CIC: variants seen among roughly 807,000 people sequenced by gnomAD.
CIC encodes the protein capicua transcriptional repressor, also known as protein capicua homolog.
Under a neutral mutation model 115.7 loss-of-function variants are expected in CIC, and 18 were observed. The observed-to-expected ratio is 0.16, with a 90% CI of 0.11 to 0.23. CIC has a LOEUF of 0.23. Ranked by LOEUF, CIC falls within the 10% of genes least tolerant of loss-of-function variation. CIC has a pLI of 1.00. For synonymous variants in CIC, 1,076 were observed against 923.0 expected (o/e 1.17, Z -3.01); for missense variants, 2,000 against 2,159.3 (o/e 0.93, Z 1.46).
chr19:42,271,806 G>A lies in CIC; in HGVS notation c.23G>A (p.Cys8Tyr). Reference protein sequence around the residue: MKPMKKACTGLSGPGSGS... With the variant: MKPMKKAYTGLSGPGSGS... ...AAAATGAAGCCAATGAAGAAGGCAT[G>A]CACTGGCCTTTCAGGTCCTGGCAGT... Residue 8 changes from cysteine (C) to tyrosine (Y), a missense_variant, in exon 2 of 21, where the codon TGC becomes TAC. Coordinates refer to ENST00000681038, the MANE Select transcript of CIC (RefSeq NM_001386298.1). 2.5e-6 allele frequency: 1 copy of A among 398,812 alleles called. No individual in the cohort carries two copies. Among genetic ancestry groups the A allele is most frequent in the Non-Finnish European group, 4.4e-6 (1 of 226,182 alleles). 24.7% of individuals were successfully genotyped at this position (398,812 alleles called of 1,614,324 possible).
chr19:42,292,100 C>A lies in CIC; in HGVS notation c.5628C>A (p.Thr1876=). ...CTTCTCCACAGATCATCCAGCTGAC[C>A]CCGGTGCCTGTGAGCACACCCAGCG... ...AQPPSKIIQL[T]PVPVSTPSGL... The change falls in exon 13 of 21, where the codon ACC becomes ACA. Residue 1876 remains threonine (T), a synonymous_variant. Transcript: ENST00000681038. 2 of 1,613,894 alleles carry A rather than the reference C, an allele frequency of 1.2e-6. No individual in the cohort carries two copies. Among genetic ancestry groups the A allele is most frequent in the Non-Finnish European group, 1.7e-6 (2 of 1,180,004 alleles).
At chr19:42,281,719 G>T (rs1451007448) in intron 2 of CIC, among the ~76,000 whole-genome samples, 2 of 144,738 alleles carry the variant, frequency 1.4e-5, no homozygotes, top group Non-Finnish European at 3.1e-5. Context: ...GGCCCTTCCC[G>T]CCCGGATTCC....
intron 7 of CIC, among the ~76,000 whole-genome samples, chr19:42,288,587 G>A (rs1303867319): frequency 6.6e-6 from 1 of 152,146 alleles, no homozygotes; most frequent in Non-Finnish European, 1.5e-5. Flanking sequence ...TTTGAGATGA[G>A]GGAACCGAGG....
Position 42,272,982 on chromosome 19 carries a change from G to A in CIC, c.1199G>A (p.Gly400Asp), listed in dbSNP as rs1286690410. The A allele has an allele frequency of 5.0e-6, 2 of 398,848 alleles. No individual in the cohort carries two copies. Among genetic ancestry groups the A allele is most frequent in the Admixed American group, 4.4e-5 (1 of 22,706 alleles). 24.7% of individuals were successfully genotyped at this position (398,848 alleles called of 1,614,324 possible). The change falls in exon 2 of 21, where the codon GGC becomes GAC. Residue 400 changes from glycine to aspartate, a missense_variant. Physicochemically the swap from Gly to Asp is moderately conservative, Grantham distance 94 (BLOSUM62 -1). Coordinates refer to ENST00000681038, the MANE Select transcript of CIC (RefSeq NM_001386298.1). ...GGNLGTHCEEGEEKHPPALGT... is the reference protein window; with the variant it reads ...GGNLGTHCEEDEEKHPPALGT... ...AACCTGGGTACTCACTGTGAGGAGG[G>A]CGAGGAGAAGCACCCTCCAGCCCTG...
At chr19:42,290,120 A>T in intron 10 of CIC, 113 bp from the exon 11 acceptor site, 8 of 1,515,172 alleles carry the variant, frequency 5.3e-6, no homozygotes, top group Non-Finnish European at 7.3e-6. Flanking sequence ...TTCAGCTGGC[A>T]GGGGTGCAGC....
rs374945804 is a variant in CIC at position 42,292,659 on chromosome 19, C to G, written c.5996C>G (p.Pro1999Arg). Residue 1999 changes from proline to arginine, a missense_variant, in exon 15 of 21, where the codon CCT (proline) becomes CGT (arginine). This residue lies in a region of CIC where 1,466 missense variants were observed against 1,390.4 expected (regional missense o/e 1.05). Transcript: ENST00000681038. ...CCTGCCTGTGCAGCCCCCGGAGGTCCTGTCATAACAGCATTTTACTCTGGC... is the reference window on the plus strand; with the variant it reads ...CCTGCCTGTGCAGCCCCCGGAGGTCGTGTCATAACAGCATTTTACTCTGGC... ...LPPACAAPGG[P>R]VITAFYSGSP... The G allele has an allele frequency of 1.2e-6, 2 of 1,613,772 alleles. No homozygotes were observed. Among genetic ancestry groups the G allele is most frequent in the African/African-American group, 2.7e-5 (2 of 74,934 alleles).
At chr19:42,278,634 CCA>C (rs1237729000) in intron 2 of CIC, among the ~76,000 whole-genome samples, 1 of 152,140 alleles carries the variant, frequency 6.6e-6, no homozygotes, top group African/African-American at 2.4e-5. Flanking sequence ...CCTCCTACTC[CCA>C]CTCTTTAGAT....
intron 2 of CIC, among the ~76,000 whole-genome samples, chr19:42,277,935 T>C (rs762284172): frequency 6.6e-6 from 1 of 152,236 alleles, no homozygotes; most frequent in Non-Finnish European, 1.5e-5. Context: ...GCTTGGAGCC[T>C]TCTCCCCATG....
At chr19:42,282,305 A>G (rs2037293846) in intron 2 of CIC, among the ~76,000 whole-genome samples, 1 of 152,160 alleles carries the variant, frequency 6.6e-6, no homozygotes. Context: ...CAGCTCTGTC[A>G]GTGGATGAGG....
At chr19:42,284,370 G>C (rs1385179324) in intron 2 of CIC, 2 of 146,102 alleles carry the variant, frequency 1.4e-5, no homozygotes, top group Non-Finnish European at 3.0e-5. Context: ...GACTCCGCGA[G>C]GGAGGAGGGA....
In CIC at chr19:42,293,269, C is replaced by T. The variant is rs1222952699; in HGVS notation, c.6510C>T (p.Gly2170=). The T allele has an allele frequency of 2.5e-6, 4 of 1,579,786 alleles. No homozygotes were observed. Among genetic ancestry groups the T allele is most frequent in the Non-Finnish European group, 3.4e-6 (4 of 1,165,464 alleles). The change falls in exon 16 of 21, where the codon GGC becomes GGT. Residue 2170 remains glycine (G), a synonymous_variant. Transcript: ENST00000681038. ...CTGAGGAGCGGACCAGCGCCAAGGG[C>T]CCTGAGACCATGGTGAGCGCCTGCA... ...PPAEERTSAK[G]PETMASKFPS...
At chr19:42,285,514 G>C (rs2037570919) in intron 2 of CIC, among the ~76,000 whole-genome samples, 1 of 152,128 alleles carries the variant, frequency 6.6e-6, no homozygotes, top group Non-Finnish European at 1.5e-5. Flanking sequence ...TTTTTCCTTT[G>C]TCAGCCCCTC....
chr19:42,277,033 G>A (rs965469155), intron 2 of CIC, among the ~76,000 whole-genome samples: 1 of 152,220 alleles, frequency 6.6e-6, no homozygotes, highest in Non-Finnish European at 1.5e-5. Flanking sequence ...ACTACCAAAA[G>A]TGGCAGTAAT....
rs774372702 is a variant in CIC at position 42,292,790 on chromosome 19, C to G, written c.6127C>G (p.Leu2043Val). 6.2e-7 allele frequency: 1 copy of G among 1,613,742 alleles called. No individual in the cohort carries two copies. The highest frequency in any genetic ancestry group is 1.1e-5 in the South Asian group (1 of 91,070). Residue 2043 changes from leucine to valine, a missense_variant, in exon 15 of 21, where the codon CTG becomes GTG. Leu to Val is a conservative substitution (Grantham distance 32). Around this residue, in one of 8 missense-constraint regions of CIC, gnomAD observed 1,466 missense variants for 1,390.4 expected, o/e 1.05. Coordinates refer to ENST00000681038, the MANE Select transcript of CIC (RefSeq NM_001386298.1). ...TSTTPPAATI[L>V]PKGPPAPATA... Reference sequence around the variant, plus strand: ...CACAACCCCACCTGCAGCCACCATTCTGCCCAAGGGCCCGCCAGCCCCTGC... The same window carrying G: ...CACAACCCCACCTGCAGCCACCATTGTGCCCAAGGGCCCGCCAGCCCCTGC...
chr19:42,291,454 C>G lies in CIC; in HGVS notation c.5413C>G (p.Pro1805Ala). The G allele has an allele frequency of 6.2e-7, 1 of 1,613,042 alleles. No individual in the cohort carries two copies. The highest frequency in any genetic ancestry group is 2.2e-5 in the East Asian group (1 of 44,868). ...IPILQSVPSA[P>A]PPKAQSVSPV... ...CATCCTGCAGTCTGTACCCTCCGCC[C>G]CACCCCCCAAAGGTGAGACCTGGGC... The change falls in exon 11 of 21, where the codon CCA (proline) becomes GCA (alanine). Residue 1805 changes from proline (P) to alanine (A), a missense_variant. By Grantham distance (27) the Pro-to-Ala change is conservative (BLOSUM62 -1). Around this residue, in one of 8 missense-constraint regions of CIC, gnomAD observed 1,466 missense variants for 1,390.4 expected, o/e 1.05. Coordinates refer to ENST00000681038, the MANE Select transcript of CIC (RefSeq NM_001386298.1).
Position 42,287,999 on chromosome 19 carries a change from C to T in CIC, c.3658+24C>T, listed in dbSNP as rs1269074390. On this transcript the variant is annotated intron_variant, in intron 7 of 20. Transcript: ENST00000681038. This position sits in a 1 kb window ranked among gnomAD's most constrained non-coding sequence, Gnocchi z 8.7. Reference sequence around the variant, plus strand: ...GGGTTAGTCAGCCCCTTGGCTCTCCCACCCTGCCACCTCCCTCCCCGAGAG... The same window carrying T: ...GGGTTAGTCAGCCCCTTGGCTCTCCTACCCTGCCACCTCCCTCCCCGAGAG... 3 of 1,569,244 alleles carry T rather than the reference C, an allele frequency of 1.9e-6. No individual in the cohort carries two copies. Among genetic ancestry groups the T allele is most frequent in the East Asian group, 2.3e-5 (1 of 42,726 alleles).
At chr19:42,290,087 C>G in intron 10 of CIC, 136 bp downstream of exon 10, 1 of 1,417,448 alleles carries the variant, frequency 7.1e-7, no homozygotes, top group Non-Finnish European at 9.9e-7. Flanking sequence ...GGAGTTGGGT[C>G]ATAGTCAGGA....
At position 42,289,283 on chromosome 19, in the gene CIC, A is replaced by G. The variant is rs2037897174; in HGVS notation, c.3964A>G (p.Thr1322Ala). Residue 1322 changes from threonine to alanine, a missense_variant, in exon 9 of 21, where the codon ACT (threonine) becomes GCT (alanine). Physicochemically the swap from Thr to Ala is moderately conservative, Grantham distance 58. Transcript: ENST00000681038. Reference protein sequence around the residue: ...APGEGGALAATGRPPLLPTRA... With the variant: ...APGEGGALAAAGRPPLLPTRA... ...TGGTGAGGGAGGTGCCTTGGCGGCC[A>G]CTGGGCGGCCCCCGCTGCTGCCCAC... The G allele has an allele frequency of 1.2e-6, 2 of 1,613,718 alleles. No individual in the cohort carries two copies. The highest frequency in any genetic ancestry group is 1.7e-6 in the Non-Finnish European group (2 of 1,180,016).
At chr19:42,282,154 T>A (rs1599871690) in intron 2 of CIC, among the ~76,000 whole-genome samples, 1 of 152,200 alleles carries the variant, frequency 6.6e-6, no homozygotes, top group African/African-American at 2.4e-5. Context: ...GAGGGGGCAG[T>A]CACCTAATAG....
Sources: allele counts gnomAD v4.1 joint callset (sites outside exome capture counted in the v4.1 genomes callset), GRCh38; gene constraint gnomAD v4.1.1; regional missense constraint gnomAD v4.1.1; non-coding constraint Gnocchi (gnomAD v3.1); transcripts MANE v1.5; gene names NCBI Gene and HGNC (gene_info 2026-07-23, HGNC 2026-07-21).